ANK3: variants seen among roughly 807,000 people sequenced by gnomAD.
ANK3 encodes the protein ankyrin-3.
Under a neutral mutation model 370.9 loss-of-function variants are expected in ANK3, and 57 were observed. The ratio of observed to expected loss-of-function variants is 0.15; its 90% CI spans 0.12 to 0.19. The LOEUF is 0.19. Ranked by LOEUF, ANK3 falls within the 10% of genes least tolerant of loss-of-function variation. The probability of loss-of-function intolerance (pLI) is 1.00; values close to 1 mark genes in which losing one functional copy is unlikely to be tolerated. For synonymous variants in ANK3, 1,929 were observed against 1,946.3 expected (o/e 0.99, Z 0.23); for missense variants, 4,439 against 5,302.1 (o/e 0.84, Z 5.06).
At chr10:60,424,438 T>C (rs2063838605) in intron 2 of ANK3, among the ~76,000 whole-genome samples, 1 of 151,996 alleles carries the variant, frequency 6.6e-6, no homozygotes, top group South Asian at 2.1e-4. Context: ...TATTCAAAGA[T>C]AGAGATGGAA....
At chr10:60,727,951 C>A (rs1237531533) in intron 1 of ANK3, among the ~76,000 whole-genome samples, 1 of 152,134 alleles carries the variant, frequency 6.6e-6, no homozygotes, top group Non-Finnish European at 1.5e-5. Context: ...AAAAAATAAA[C>A]CGTTCATCCA....
intron 7 of ANK3, among the ~76,000 whole-genome samples, chr10:60,253,714 C>T (rs1186020999): frequency 6.6e-6 from 1 of 152,114 alleles, no homozygotes; most frequent in Non-Finnish European, 1.5e-5. Context: ...AACTCATATT[C>T]CTTTGCTAAG....
At position 60,488,679 on chromosome 10, in the gene ANK3, C is replaced by T. The variant is rs60466990; in HGVS notation, c.96+126507G>A. Among the ~76,000 whole-genome samples the T allele has an allele frequency of 3.3e-3, 499 of 152,216 alleles. 4 individuals are homozygous for T. Among genetic ancestry groups the T allele is most frequent in the African/African-American group, 0.012 (485 of 41,532 alleles). Reference sequence around the variant, plus strand: ...AATCATAAATCATATGATATATTGGCCTCTTGTGTTTCACTTCTTTCACTT... The same window carrying T: ...AATCATAAATCATATGATATATTGGTCTCTTGTGTTTCACTTCTTTCACTT... On this transcript the variant is annotated intron_variant, in intron 2 of 43. Coordinates refer to the ANK3 transcript ENST00000373827.
In ANK3 at chr10:60,118,986, C is replaced by T. The variant is rs143019422; in HGVS notation, c.2842-4655G>A. Among the ~76,000 whole-genome samples the T allele has an allele frequency of 1.2e-3, 185 of 152,342 alleles. 1 individual carries two copies. Among genetic ancestry groups the T allele is most frequent in the African/African-American group, 4.3e-3 (177 of 41,588 alleles). The stretch of plus-strand genomic sequence containing the variant: ...TCTTTAGTCTTGCAACTCTGCCACT[C>T]ATTGAAGCTTTGTTGTAACACGAAC... On this transcript the variant is annotated intron_variant, in intron 25 of 43. Coordinates refer to ENST00000280772, the MANE Select transcript of ANK3 (RefSeq NM_020987.5).
intron 1 of ANK3, among the ~76,000 whole-genome samples, chr10:60,308,016 C>G (rs2045526572): frequency 6.6e-6 from 1 of 152,118 alleles, no homozygotes; most frequent in African/African-American, 2.4e-5. Context: ...CTTGTTTTCT[C>G]CCTTCTTTCA....
chr10:60,067,220 G>A (rs1275098158), intron 38 of ANK3, among the ~76,000 whole-genome samples: 1 of 151,984 alleles, frequency 6.6e-6, no homozygotes, highest in Admixed American at 6.6e-5. Flanking sequence ...CAACTTTTGT[G>A]AATTAAATAT....
At chr10:60,369,449 T>G (rs1294212556) in intron 1 of ANK3, among the ~76,000 whole-genome samples, 2 of 152,170 alleles carry the variant, frequency 1.3e-5, no homozygotes, top group Admixed American at 6.5e-5. Context: ...GACTTCCTAG[T>G]CCTATCTGAA....
At chr10:60,616,237 G>A (rs111596801) in intron 1 of ANK3, among the ~76,000 whole-genome samples, 83 of 152,238 alleles carry the variant, frequency 5.5e-4, no homozygotes, top group African/African-American at 1.9e-3. Flanking sequence ...TATTCCTGGT[G>A]TCTCAGCTAC....
chr10:60,140,472 G>C, intron 23 of ANK3: 1 of 1,602,926 alleles, frequency 6.2e-7, no homozygotes, highest in South Asian at 1.1e-5. Flanking sequence ...ACCAATCCCT[G>C]GTTTGTATCC....
In ANK3 at chr10:60,152,984, A is replaced by G. The variant is rs183849777; in HGVS notation, c.2614+13607T>C. 7.2e-5 allele frequency among the ~76,000 whole-genome samples: 11 copies of G among 152,360 alleles called. No individual in the cohort carries two copies. The East Asian group carries it at 1.9e-3, about 27-fold the overall frequency. ...TCAGCAATTATACTCCTAGGTTTACATCCTACAGAAATGTATGCATATGTG... is the reference window on the plus strand; with the variant it reads ...TCAGCAATTATACTCCTAGGTTTACGTCCTACAGAAATGTATGCATATGTG... On this transcript the variant is annotated intron_variant, in intron 23 of 43. Transcript: ENST00000280772.
chr10:60,515,545 G>A (rs2076196701), intron 2 of ANK3, among the ~76,000 whole-genome samples: 1 of 152,184 alleles, frequency 6.6e-6, no homozygotes, highest in Non-Finnish European at 1.5e-5. Context: ...GGGCTTTAAT[G>A]TAATTATAAA....
chr10:60,302,922 G>A (rs1011052236), intron 1 of ANK3, among the ~76,000 whole-genome samples: 5 of 151,966 alleles, frequency 3.3e-5, no homozygotes, highest in East Asian at 1.9e-4. Flanking sequence ...CTAGTCAATC[G>A]AACTTCGGCA....
intron 1 of ANK3, among the ~76,000 whole-genome samples, chr10:60,692,584 T>A (rs994524080): frequency 6.6e-6 from 1 of 152,200 alleles, no homozygotes; most frequent in African/African-American, 2.4e-5. Flanking sequence ...AAACCTCTTT[T>A]CTACTCTGAA....
At chr10:60,178,932 A>G (rs2132335784) in intron 18 of ANK3, among the ~76,000 whole-genome samples, 1 of 152,240 alleles carries the variant, frequency 6.6e-6, no homozygotes, top group South Asian at 2.1e-4. Context: ...GGTGGGGTAT[A>G]AAGGGTCAGC....
intron 1 of ANK3, among the ~76,000 whole-genome samples, chr10:60,379,604 A>G (rs1276298283): frequency 6.6e-6 from 1 of 152,136 alleles, no homozygotes; most frequent in East Asian, 1.9e-4. Context: ...GTTAAGTGAA[A>G]TAAGCCAGGA....
chr10:60,063,468 A>C (rs750759934), intron 39 of ANK3, among the ~76,000 whole-genome samples: 1 of 152,178 alleles, frequency 6.6e-6, no homozygotes, highest in Non-Finnish European at 1.5e-5. Context: ...GCTGTGTTCC[A>C]CTGGAACAGT....
rs182943823 is a variant in ANK3 at position 60,177,729 on chromosome 10, C to T, written c.2184+3600G>A. On this transcript the variant is annotated intron_variant, in intron 18 of 43. Transcript: ENST00000280772. ...TCTTCTGCCTCAGCCTCCCGAGTAG[C>T]TGGGACTACAGGCACCCGCCACCAT... 7.8e-3 allele frequency among the ~76,000 whole-genome samples: 1,177 copies of T among 151,866 alleles called. 15 individuals are homozygous for T. The highest frequency in any genetic ancestry group is 0.027 in the African/African-American group (1,128 of 41,402).
intron 2 of ANK3, among the ~76,000 whole-genome samples, chr10:60,571,997 A>G (rs2077610852): frequency 6.6e-6 from 1 of 152,222 alleles, no homozygotes; most frequent in African/African-American, 2.4e-5. Context: ...ATTAAAATGG[A>G]GTTCACCTCC....
rs2076633075 is a variant in ANK3, at chr10:60,532,647, G to A, written c.96+82539C>T. On this transcript the variant is annotated intron_variant, in intron 2 of 43. Transcript: ENST00000373827. Reference sequence around the variant, plus strand: ...CATGCAGTAGAGACTGGGGGTCGTGGTGATCATTTGGTGATATGGATGATG... The same window carrying A: ...CATGCAGTAGAGACTGGGGGTCGTGATGATCATTTGGTGATATGGATGATG... Among the ~76,000 whole-genome samples the A allele has an allele frequency of 2.0e-5, 3 of 152,082 alleles. 1 individual carries two copies. The highest frequency in any genetic ancestry group is 2.0e-4 in the Admixed American group (3 of 15,258).
Sources: allele counts gnomAD v4.1 joint callset (sites outside exome capture counted in the v4.1 genomes callset), GRCh38; gene constraint gnomAD v4.1.1; transcripts MANE v1.5; gene names NCBI Gene and HGNC (gene_info 2026-07-23, HGNC 2026-07-21).